Variants in RALGPS1 observed in about 807,000 individuals in gnomAD.
RALGPS1 encodes ras-specific guanine nucleotide-releasing factor RalGPS1.
In RALGPS1, 19 loss-of-function variants were observed where a neutral mutation model predicts 78.8. The ratio of observed to expected loss-of-function variants is 0.24; its 90% CI spans 0.17 to 0.35. The LOEUF (loss-of-function observed/expected upper bound fraction) is 0.35. Ranked by LOEUF, RALGPS1 falls within the 10% of genes least tolerant of loss-of-function variation. RALGPS1 has a pLI of 1.00. For synonymous variants in RALGPS1, 228 were observed against 256.3 expected (o/e 0.89, Z 1.06); for missense variants, 454 against 688.3 (o/e 0.66, Z 3.81).
At chr9:127,148,025 C>T (rs2058198582) in intron 8 of RALGPS1, among the ~76,000 whole-genome samples, 1 of 152,252 alleles carries the variant, frequency 6.6e-6, no homozygotes, top group South Asian at 2.1e-4. Flanking sequence ...CTAAACTCCT[C>T]CTCAGTAGGT....
At chr9:127,020,615 C>A (rs1020330609) in intron 4 of RALGPS1, among the ~76,000 whole-genome samples, 1 of 152,180 alleles carries the variant, frequency 6.6e-6, no homozygotes, top group Non-Finnish European at 1.5e-5. Flanking sequence ...GAAGGGTGGG[C>A]AGATGTGAGA....
intron 7 of RALGPS1, 134 bp from the exon 8 acceptor site, chr9:127,069,096 C>T (rs1171761898): frequency 1.1e-6 from 1 of 882,368 alleles, no homozygotes; most frequent in Non-Finnish European, 1.7e-6. Flanking sequence ...CTTTTAAAAT[C>T]CTTAGTTCTG....
At chr9:127,032,642 T>G (rs1009047029) in intron 4 of RALGPS1, among the ~76,000 whole-genome samples, 1 of 152,172 alleles carries the variant, frequency 6.6e-6, no homozygotes, top group African/African-American at 2.4e-5. Context: ...CAAGTATGTG[T>G]TTTAAAGAGA....
At chr9:126,946,533 C>CAAAAAA (rs61279292) in intron 1 of RALGPS1, among the ~76,000 whole-genome samples, 1 of 76,220 alleles carries the variant, frequency 1.3e-5, no homozygotes, top group African/African-American at 5.2e-5. Context: ...GAATCTGTCT[C>CAAAAAA]AAAAAAAAAA....
Position 127,091,317 on chromosome 9 carries a change from GTT to G in RALGPS1, c.610+21962_610+21963del, listed in dbSNP as rs1397766812. 6.6e-6 allele frequency among the ~76,000 whole-genome samples: 1 copy of G among 152,246 alleles called. No homozygotes were observed. Among genetic ancestry groups the G allele is most frequent in the Non-Finnish European group, 1.5e-5 (1 of 68,042 alleles). The stretch of plus-strand genomic sequence containing the variant: ...GTGTGGCCCAGAGCCTACGCAGTTG[GTT>G]AGCTCTATACCAGGTGCCTGGGACA... On this transcript the variant is annotated intron_variant, in intron 8 of 18. Transcript: ENST00000259351. This position sits in a 1 kb window ranked among gnomAD's most constrained non-coding sequence, Gnocchi z 4.3.
At position 127,195,059 on chromosome 9, in the gene RALGPS1, C is replaced by A. The variant is rs563136755; in HGVS notation, c.911-32C>A. 22 of 1,610,376 alleles carry A rather than the reference C, an allele frequency of 1.4e-5. No individual in the cohort carries two copies. In the Admixed American group the frequency reaches 3.7e-4, roughly 27 times the overall value. ...CAGCCCCTCACCCTCCCATCATAAC[C>A]CCCGTTGTTGCTCTCTCTGCTCTGT... On this transcript the variant is annotated intron_variant, in intron 11 of 18. Coordinates refer to ENST00000259351, the MANE Select transcript of RALGPS1 (RefSeq NM_014636.3).
chr9:127,149,583 G>A (rs1437172356), intron 8 of RALGPS1, among the ~76,000 whole-genome samples: 1 of 152,254 alleles, frequency 6.6e-6, no homozygotes, highest in Non-Finnish European at 1.5e-5. Flanking sequence ...GGCAAGGCCT[G>A]TGTGCCTACC....
rs1439780690 is a variant in RALGPS1 at position 127,202,909 on chromosome 9, G to GCGGCGGCCGCAGGA, written c.1247+3844_1247+3845insGGCGGCCGCAGGAC. 1.7e-3 allele frequency among the ~76,000 whole-genome samples: 252 copies of GCGGCGGCCGCAGGA among 150,138 alleles called. 2 individuals carry two copies. Among genetic ancestry groups the GCGGCGGCCGCAGGA allele is most frequent in the African/African-American group, 5.9e-3 (235 of 39,820 alleles). Reference sequence around the variant, plus strand: ...AGGGAGGTGGGGAGGCGGCCGCAGGGCAGCGGCCGCAGGGCATTCAGTTAC... The same window carrying GCGGCGGCCGCAGGA: ...AGGGAGGTGGGGAGGCGGCCGCAGGGCGGCGGCCGCAGGACAGCGGCCGCAGGGCATTCAGTTAC... On this transcript the variant is annotated intron_variant, in intron 14 of 18. Transcript: ENST00000259351.
rs750417316 is a variant in RALGPS1 at position 127,183,929 on chromosome 9, T to A, written c.910+9147T>A. 1.2e-5 allele frequency: 19 copies of A among 1,550,306 alleles called. No individual in the cohort carries two copies. The highest frequency in any genetic ancestry group is 2.0e-5 in the Admixed American group (1 of 50,960). Reference sequence around the variant, plus strand: ...AGAAGAGGCAAGACTCAAACCCACCTCTGGCCAACACCCTGCCTGGATGTG... The same window carrying A: ...AGAAGAGGCAAGACTCAAACCCACCACTGGCCAACACCCTGCCTGGATGTG... On this transcript the variant is annotated intron_variant, in intron 11 of 18. Coordinates refer to ENST00000259351, the MANE Select transcript of RALGPS1 (RefSeq NM_014636.3). The surrounding 1 kb of genome is among the most constrained non-coding windows in gnomAD (Gnocchi z 4.0).
chr9:126,945,532 A>T (rs1361794622), intron 1 of RALGPS1, among the ~76,000 whole-genome samples: 2 of 152,046 alleles, frequency 1.3e-5, no homozygotes, highest in Non-Finnish European at 2.9e-5. Context: ...CCCTCTGCTA[A>T]CTCTTTCAGT....
rs116456102 is a variant in RALGPS1 at position 127,150,308 on chromosome 9, C to T, written c.611-15761C>T. Among the ~76,000 whole-genome samples the T allele has an allele frequency of 3.0e-3, 450 of 152,278 alleles. 5 individuals carry two copies. Among genetic ancestry groups the T allele is most frequent in the African/African-American group, 0.01 (429 of 41,540 alleles). On this transcript the variant is annotated intron_variant, in intron 8 of 18. Transcript: ENST00000259351. ...CTCCCAGTGCCCCTGTTTGTGGGCT[C>T]GGGGTCACCAGGGGCCAGATCACTG...
chr9:126,952,536 G>T (rs1388151593), intron 1 of RALGPS1, among the ~76,000 whole-genome samples: 1 of 152,092 alleles, frequency 6.6e-6, no homozygotes, highest in Non-Finnish European at 1.5e-5. Flanking sequence ...GGCCTTTCTT[G>T]AACTCCTGGC....
intron 4 of RALGPS1, among the ~76,000 whole-genome samples, chr9:126,983,983 T>C (rs1020293181): frequency 2.6e-5 from 4 of 152,224 alleles, no homozygotes; most frequent in African/African-American, 9.6e-5. Context: ...AGGTGGTGAC[T>C]GTTTTATTCC....
At chr9:127,121,158 G>A (rs982642517) in intron 8 of RALGPS1, among the ~76,000 whole-genome samples, 2 of 152,198 alleles carry the variant, frequency 1.3e-5, no homozygotes, top group African/African-American at 4.8e-5. Flanking sequence ...GTGGTCATGA[G>A]GATTCTACAA....
chr9:126,971,560 A>C (rs981287314), intron 3 of RALGPS1, among the ~76,000 whole-genome samples: 10 of 152,216 alleles, frequency 6.6e-5, no homozygotes, highest in Middle Eastern at 3.2e-3. Context: ...AGAATTTATA[A>C]TATATCCAGC....
intron 8 of RALGPS1, among the ~76,000 whole-genome samples, chr9:127,086,669 TA>T (rs1243143526): frequency 6.6e-6 from 1 of 152,254 alleles, no homozygotes; most frequent in African/African-American, 2.4e-5. Context: ...GGTCATGTTT[TA>T]TTTTTTTGCT....
intron 10 of RALGPS1, among the ~76,000 whole-genome samples, chr9:127,171,762 AAATAAT>A (rs1399342725): frequency 6.6e-6 from 1 of 152,194 alleles, no homozygotes; most frequent in Non-Finnish European, 1.5e-5. Context: ...ATCTCAAAAA[AAATAAT>A]AATAATAAAA....
intron 7 of RALGPS1, among the ~76,000 whole-genome samples, chr9:127,054,326 G>A (rs185755504): frequency 3.9e-5 from 6 of 152,216 alleles, no homozygotes; most frequent in East Asian, 1.9e-4. Context: ...TTGGACTGCC[G>A]GGAGCTATGT....
At chr9:126,963,652 C>G (rs2039143020) in intron 2 of RALGPS1, among the ~76,000 whole-genome samples, 1 of 152,156 alleles carries the variant, frequency 6.6e-6, no homozygotes, top group Non-Finnish European at 1.5e-5. Context: ...ATTTAATATT[C>G]ACAATAACCC....
Sources: gnomAD v4.1 joint callset for allele counts (sites outside exome capture counted in the v4.1 genomes callset) on GRCh38, gnomAD v4.1.1 for gene constraint, Gnocchi (gnomAD v3.1) non-coding constraint, MANE v1.5 for transcripts, NCBI Gene and HGNC (gene_info 2026-07-23, HGNC 2026-07-21) for gene names.